ATRNL1: variants seen among roughly 807,000 people sequenced by gnomAD.
ATRNL1 encodes attractin like 1.
In ATRNL1, 95 loss-of-function variants were observed where a neutral mutation model predicts 182.7. The observed-to-expected ratio is 0.52, with a 90% CI of 0.44 to 0.62. The LOEUF is 0.62. Among genes scored for constraint, ATRNL1 ranks in the 20% least tolerant of loss-of-function variants. The pLI is 0.00. For synonymous variants in ATRNL1, 576 were observed against 568.3 expected (o/e 1.01, Z -0.19); for missense variants, 1,471 against 1,679.5 (o/e 0.88, Z 2.17).
intron 8 of ATRNL1, among the ~76,000 whole-genome samples, chr10:115,208,846 A>G (rs1336578134): frequency 6.6e-6 from 1 of 151,612 alleles, no homozygotes; most frequent in East Asian, 1.9e-4. Flanking sequence ...TTTTTTTATT[A>G]TTATACTTTA....
chr10:115,337,321 T>A (rs1225913721), intron 19 of ATRNL1, among the ~76,000 whole-genome samples: 1 of 152,180 alleles, frequency 6.6e-6, no homozygotes, highest in African/African-American at 2.4e-5. Context: ...CATTTATCCT[T>A]TGTGTTACAA....
At chr10:115,927,325 G>A (rs1256394342) in intron 28 of ATRNL1, among the ~76,000 whole-genome samples, 2 of 152,082 alleles carry the variant, frequency 1.3e-5, no homozygotes, top group Non-Finnish European at 2.9e-5. Context: ...AAACCTGGAA[G>A]CATTCCCTTT....
At chr10:115,840,557 C>A (rs147540816) in intron 27 of ATRNL1, among the ~76,000 whole-genome samples, 41 of 152,150 alleles carry the variant, frequency 2.7e-4, no homozygotes, top group African/African-American at 9.2e-4. Flanking sequence ...GAACTTGAGG[C>A]ACAGGGAGGT....
intron 21 of ATRNL1, among the ~76,000 whole-genome samples, chr10:115,441,814 CCTT>C (rs1565046801): frequency 6.6e-6 from 1 of 151,934 alleles, no homozygotes; most frequent in African/African-American, 2.4e-5. Context: ...TATCTGAAAG[CCTT>C]CTTTGATTCC....
chr10:115,294,084 A>G (rs890851203), intron 15 of ATRNL1, among the ~76,000 whole-genome samples: 4 of 152,208 alleles, frequency 2.6e-5, no homozygotes, highest in African/African-American at 4.8e-5. Flanking sequence ...TGTAGTTCCT[A>G]TAATACAAAT....
chr10:115,125,497 T>A (rs978630713), intron 3 of ATRNL1, among the ~76,000 whole-genome samples: 1 of 141,284 alleles, frequency 7.1e-6, no homozygotes, highest in Non-Finnish European at 1.5e-5. Flanking sequence ...AGAAGTGTTA[T>A]TTTTTTTTTT....
At chr10:115,454,329 G>T (rs1847422870) in intron 21 of ATRNL1, among the ~76,000 whole-genome samples, 2 of 151,990 alleles carry the variant, frequency 1.3e-5, no homozygotes, top group Non-Finnish European at 1.5e-5. Flanking sequence ...GAAATCAGGG[G>T]TATGATACCT....
chr10:115,532,744 A>G (rs1306476934), intron 25 of ATRNL1, among the ~76,000 whole-genome samples: 5 of 151,240 alleles, frequency 3.3e-5, no homozygotes, highest in Non-Finnish European at 7.4e-5. Flanking sequence ...CCCATTCAGT[A>G]TGATATTGGC....
rs782661899 is a variant in ATRNL1, at chr10:115,241,607, T to C, written c.1569T>C (p.Leu523=). ...AAGAAAGTGGGTTTGCCAGATACCT[T>C]CATTCAGCTGTTCTTATCAATGGAG... ...ILKESGFARY[L]HSAVLINGAM... The change falls in exon 10 of 29, where the codon CTT becomes CTC. Residue 523 remains leucine (L), a synonymous_variant. Transcript: ENST00000355044. 6.2e-7 allele frequency: 1 copy of C among 1,610,392 alleles called. No homozygotes were observed. The highest frequency in any genetic ancestry group is 1.1e-5 in the South Asian group (1 of 90,734).
intron 26 of ATRNL1, among the ~76,000 whole-genome samples, chr10:115,606,284 A>G (rs782112831): frequency 8.6e-5 from 13 of 151,978 alleles, no homozygotes; most frequent in African/African-American, 3.1e-4. Flanking sequence ...ACACACTCAT[A>G]GAAAAAAAAT....
chr10:115,687,962 C>A (rs1946272191), intron 26 of ATRNL1, among the ~76,000 whole-genome samples: 1 of 151,928 alleles, frequency 6.6e-6, no homozygotes, highest in Non-Finnish European at 1.5e-5. Context: ...TCATTCACTC[C>A]CCCGCTCCCC....
chr10:115,397,801 C>G (rs1439454013), intron 20 of ATRNL1, among the ~76,000 whole-genome samples: 1 of 151,936 alleles, frequency 6.6e-6, no homozygotes, highest in Non-Finnish European at 1.5e-5. Context: ...AATATTGCTT[C>G]TACCCTTACA....
In ATRNL1 at chr10:115,459,949, G is replaced by T. The variant is rs111237011; in HGVS notation, c.3323-1992G>T. Among the ~76,000 whole-genome samples, 472 of 152,296 alleles carry T rather than the reference G, an allele frequency of 3.1e-3. 4 individuals are homozygous for T. The highest frequency in any genetic ancestry group is 0.011 in the African/African-American group (455 of 41,554). On this transcript the variant is annotated intron_variant, in intron 21 of 28. Transcript: ENST00000355044. Reference sequence around the variant, plus strand: ...GAAAAGAACCTAAGTGATTATCGGGGCAGGTCCCCTGATAACTTTTGAATC... The same window carrying T: ...GAAAAGAACCTAAGTGATTATCGGGTCAGGTCCCCTGATAACTTTTGAATC...
chr10:115,665,886 A>T (rs1860970416), intron 26 of ATRNL1, among the ~76,000 whole-genome samples: 1 of 152,094 alleles, frequency 6.6e-6, no homozygotes, highest in African/African-American at 2.4e-5. Flanking sequence ...CCTGTTCCTC[A>T]CTGGTCTATC....
intron 20 of ATRNL1, among the ~76,000 whole-genome samples, chr10:115,407,597 T>C (rs1456896383): frequency 6.6e-6 from 1 of 152,216 alleles, no homozygotes; most frequent in Non-Finnish European, 1.5e-5. Flanking sequence ...TATTCCATTG[T>C]GTATATATCC....
At chr10:115,214,612 C>A (rs1592270859) in intron 8 of ATRNL1, among the ~76,000 whole-genome samples, 1 of 151,970 alleles carries the variant, frequency 6.6e-6, no homozygotes, top group Non-Finnish European at 1.5e-5. Flanking sequence ...TTTCAATGAG[C>A]TGACTAGGAT....
At chr10:115,581,719 A>G (rs964069321) in intron 26 of ATRNL1, among the ~76,000 whole-genome samples, 77 of 151,130 alleles carry the variant, frequency 5.1e-4, no homozygotes, top group African/African-American at 1.8e-3. Flanking sequence ...AGTTCGGAAG[A>G]TATGTAAAGA....
At chr10:115,180,303 G>C (rs1592220657) in intron 8 of ATRNL1, among the ~76,000 whole-genome samples, 1 of 151,564 alleles carries the variant, frequency 6.6e-6, no homozygotes, top group East Asian at 1.9e-4. Context: ...GCTTATTTTT[G>C]ACCTTTATAA....
intron 10 of ATRNL1, 79 bp from the exon 11 acceptor site, chr10:115,265,114 G>T (rs527792673): frequency 9.1e-6 from 8 of 882,794 alleles, no homozygotes; most frequent in South Asian, 7.1e-5. Flanking sequence ...TCTTTAATTC[G>T]GCCAATGATG....
Sources: gnomAD v4.1 joint callset for allele counts (sites outside exome capture counted in the v4.1 genomes callset) on GRCh38, gnomAD v4.1.1 for gene constraint, MANE v1.5 for transcripts, NCBI Gene and HGNC (gene_info 2026-07-23, HGNC 2026-07-21) for gene names.